The following ZDHHC20 variants were observed in gnomAD, a reference collection of about 807,000 sequenced individuals.
The protein encoded by ZDHHC20 is zDHHC palmitoyltransferase 20.
ZDHHC20 carries 43 observed loss-of-function variants against 57.8 expected under a neutral mutation model. The observed-to-expected ratio is 0.74, with a 90% confidence interval of 0.58 to 0.96. The LOEUF (loss-of-function observed/expected upper bound fraction) is 0.96. ZDHHC20 is among the 40% of genes least tolerant of loss of function. The pLI, the probability that ZDHHC20 is intolerant of heterozygous loss-of-function variation, is 0.00. For missense variants in ZDHHC20, 391 were observed against 441.1 expected (o/e 0.89, Z 1.02); for synonymous variants, 157 against 153.0 (o/e 1.03, Z -0.19).
At chr13:21,435,997 C>T (rs1364642704) in intron 1 of ZDHHC20, among the ~76,000 whole-genome samples, 1 of 152,200 alleles carries the variant, frequency 6.6e-6, no homozygotes. Context: ...GGCAGTTCCA[C>T]CCCATCTCAC....
At chr13:21,385,197 G>C (rs1874238787) in intron 9 of ZDHHC20, among the ~76,000 whole-genome samples, 2 of 152,324 alleles carry the variant, frequency 1.3e-5, no homozygotes, top group South Asian at 2.1e-4. Context: ...GGGAGGATGA[G>C]GTGGGCGGAT....
chr13:21,405,732 A>C (rs1424943580), intron 4 of ZDHHC20, among the ~76,000 whole-genome samples: 1 of 152,214 alleles, frequency 6.6e-6, no homozygotes, highest in Admixed American at 6.5e-5. Flanking sequence ...GCTTAAAATT[A>C]TTTAGTCCAT....
intron 4 of ZDHHC20, among the ~76,000 whole-genome samples, chr13:21,408,261 G>A (rs1303652159): frequency 2.6e-5 from 4 of 152,192 alleles, no homozygotes; most frequent in African/African-American, 7.2e-5. Context: ...AGCATGGAAT[G>A]TTCTTCCATT....
At chr13:21,408,732 G>T (rs745831738) in intron 4 of ZDHHC20, among the ~76,000 whole-genome samples, 5 of 152,186 alleles carry the variant, frequency 3.3e-5, no homozygotes, top group African/African-American at 7.2e-5. Context: ...CATTCAGTAT[G>T]ATATTGGCTG....
chr13:21,427,834 C>CAAAA lies in ZDHHC20; in HGVS notation c.119-2160_119-2157dup, dbSNP rs755599024. Among the ~76,000 whole-genome samples the CAAAA allele has an allele frequency of 2.8e-3, 257 of 92,458 alleles. 1 individual carries two copies. The highest frequency in any genetic ancestry group is 0.012 in the African/African-American group (248 of 21,274). 60.7% of individuals were successfully genotyped at this position (92,458 alleles called of 152,430 possible). A position where few individuals can be genotyped will look rare whatever the true frequency, so the allele number is the denominator to read the frequency against. On this transcript the variant is annotated intron_variant, in intron 1 of 12. Coordinates refer to ENST00000400590, the MANE Select transcript of ZDHHC20 (RefSeq NM_001330059.2). Reference sequence around the variant, plus strand: ...TGGACAACAGAACTAGACTCTGTTTCAAAAAAAAAAAAAAAAAAAAACCAA... The same window carrying CAAAA: ...TGGACAACAGAACTAGACTCTGTTTCAAAAAAAAAAAAAAAAAAAAAAAAACCAA...
intron 12 of ZDHHC20, 43 bp downstream of exon 12, chr13:21,378,618 A>C: frequency 1.8e-6 from 2 of 1,135,164 alleles, no homozygotes; most frequent in Non-Finnish European, 2.3e-6. Context: ...GAAATATGCA[A>C]ATAAGCTGCA....
intron 3 of ZDHHC20, among the ~76,000 whole-genome samples, chr13:21,420,070 C>A (rs900601196): frequency 1.3e-5 from 2 of 151,982 alleles, no homozygotes; most frequent in Non-Finnish European, 2.9e-5. Context: ...GTGGATCACC[C>A]GAGGCCAGGA....
At chr13:21,391,245 G>A (rs1875654332) in intron 8 of ZDHHC20, among the ~76,000 whole-genome samples, 1 of 152,186 alleles carries the variant, frequency 6.6e-6, no homozygotes, top group Non-Finnish European at 1.5e-5. Context: ...GGGATTACAG[G>A]TGTGAGCCAC....
intron 1 of ZDHHC20, among the ~76,000 whole-genome samples, chr13:21,434,278 A>C (rs1294819248): frequency 6.6e-6 from 1 of 152,234 alleles, no homozygotes; most frequent in African/African-American, 2.4e-5. Flanking sequence ...TCAAGGACAC[A>C]AGGGATGAAG....
intron 4 of ZDHHC20, among the ~76,000 whole-genome samples, chr13:21,407,296 T>C (rs1160151067): frequency 3.3e-5 from 5 of 152,174 alleles, no homozygotes; most frequent in Admixed American, 1.3e-4. Flanking sequence ...ACCCAGTTTC[T>C]TTCCTGACTT....
intron 1 of ZDHHC20, among the ~76,000 whole-genome samples, chr13:21,447,080 G>A (rs1007553094): frequency 6.6e-6 from 1 of 151,962 alleles, no homozygotes; most frequent in Non-Finnish European, 1.5e-5. Flanking sequence ...TGGAATAAAG[G>A]TGGGGGTGGA....
intron 1 of ZDHHC20, among the ~76,000 whole-genome samples, chr13:21,427,407 A>T (rs934928077): frequency 1.3e-5 from 2 of 152,202 alleles, no homozygotes; most frequent in African/African-American, 4.8e-5. Context: ...AAAACTTGAT[A>T]ATATACTGTG....
At chr13:21,397,326 C>CA (rs879296045) in intron 7 of ZDHHC20, among the ~76,000 whole-genome samples, 294 of 128,536 alleles carry the variant, frequency 2.3e-3, no homozygotes, top group East Asian at 6.2e-3. Flanking sequence ...AACTGCATCT[C>CA]AAAAAAAAAA....
At chr13:21,422,064 G>A (rs2137909665) in intron 2 of ZDHHC20, among the ~76,000 whole-genome samples, 1 of 152,212 alleles carries the variant, frequency 6.6e-6, no homozygotes, top group South Asian at 2.1e-4. Flanking sequence ...TAATACTGAT[G>A]AGGTAATACA....
chr13:21,418,146 C>T (rs889310855), intron 3 of ZDHHC20, among the ~76,000 whole-genome samples: 2 of 152,134 alleles, frequency 1.3e-5, no homozygotes, highest in African/African-American at 4.8e-5. Context: ...AATATCCCTG[C>T]CCTCACAATA....
At chr13:21,393,405 G>T (rs1465897457) in intron 7 of ZDHHC20, among the ~76,000 whole-genome samples, 1 of 150,488 alleles carries the variant, frequency 6.6e-6, no homozygotes, top group Non-Finnish European at 1.5e-5. Flanking sequence ...GGAGGCTGAG[G>T]CAGGAGAATC....
chr13:21,442,624 A>T (rs1883296147), intron 1 of ZDHHC20, among the ~76,000 whole-genome samples: 1 of 152,026 alleles, frequency 6.6e-6, no homozygotes, highest in Non-Finnish European at 1.5e-5. Flanking sequence ...GTGTGGTGGC[A>T]TGCGCTTATA....
At position 21,374,227 on chromosome 13, in the gene ZDHHC20, T is replaced by C. The variant is rs1177514364; in HGVS notation, c.*2469A>G. The stretch of plus-strand genomic sequence containing the variant: ...AGTTATGTTTTTAGTTGGTAATTGA[T>C]ATATATATATATTTTTGAGATGGAG... On this transcript the variant is annotated 3_prime_UTR_variant, in exon 13 of 13. Transcript: ENST00000400590. 2.0e-5 allele frequency: 4 copies of C among 199,506 alleles called. No individual in the cohort carries two copies. The highest frequency in any genetic ancestry group is 4.4e-5 in the Non-Finnish European group (4 of 91,668). 12.4% of individuals were successfully genotyped at this position (199,506 alleles called of 1,614,324 possible).
At chr13:21,415,126 C>T (rs1043924689) in intron 3 of ZDHHC20, among the ~76,000 whole-genome samples, 1 of 152,120 alleles carries the variant, frequency 6.6e-6, no homozygotes, top group Non-Finnish European at 1.5e-5. Context: ...CGGTATTCTG[C>T]TATAAACAAG....
Sources: gnomAD v4.1 joint callset for allele counts (sites outside exome capture counted in the v4.1 genomes callset) on GRCh38, gnomAD v4.1.1 for gene constraint, MANE v1.5 for transcripts, NCBI Gene and HGNC (gene_info 2026-07-23, HGNC 2026-07-21) for gene names.